Variants in GATA2 observed in about 807,000 individuals in gnomAD.
GATA2 encodes the protein GATA binding protein 2, also known as endothelial transcription factor GATA-2.
GATA2 carries 6 observed loss-of-function variants against 35.7 expected under a neutral mutation model. That is an observed-to-expected ratio of 0.17 (90% CI 0.09 to 0.33). The LOEUF is 0.33. Ranked by LOEUF, GATA2 falls within the 10% of genes least tolerant of loss-of-function variation. GATA2 has a pLI of 1.00. For synonymous variants in GATA2, 313 were observed against 274.9 expected (o/e 1.14, Z -1.37); for missense variants, 541 against 656.6 (o/e 0.82, Z 1.92).
intron 1 of GATA2, among the ~76,000 whole-genome samples, chr3:128,491,322 G>T (rs2068765532): frequency 6.6e-6 from 1 of 151,820 alleles, no homozygotes; most frequent in South Asian, 2.1e-4. Context: ...TTTCCTTATG[G>T]GCAGCTAATT....
chr3:128,482,413 G>A (rs554485096), intron 4 of GATA2, among the ~76,000 whole-genome samples: 35 of 152,320 alleles, frequency 2.3e-4, no homozygotes, highest in African/African-American at 7.9e-4. Flanking sequence ...TGAGGCCAGC[G>A]CAGGTTTACA....
At chr3:128,483,745 TA>T in intron 4 of GATA2, 114 bp downstream of exon 4, 1 of 1,389,950 alleles carries the variant, frequency 7.2e-7, no homozygotes, top group Non-Finnish European at 1.0e-6. Flanking sequence ...CTTTTCATGA[TA>T]AAAGAGGATT....
At chr3:128,485,688 G>A (rs1422118807) in intron 3 of GATA2, 39 bp downstream of exon 3, 3 of 1,605,170 alleles carry the variant, frequency 1.9e-6, no homozygotes, top group Non-Finnish European at 8.5e-7. Context: ...AAACGCAAAT[G>A]CTCCCCTCTT....
At chr3:128,485,681 C>T (rs2107671748) in intron 3 of GATA2, 46 bp downstream of exon 3, 3 of 1,599,624 alleles carry the variant, frequency 1.9e-6, no homozygotes, top group East Asian at 2.3e-5. Context: ...ACCACAAAAA[C>T]GCAAATGCTC....
chr3:128,480,010 T>C lies in GATA2; in HGVS notation c.*1009A>G, dbSNP rs2107666843. The C allele has an allele frequency of 4.3e-6, 1 of 232,964 alleles. No individual in the cohort carries two copies. The allele number at this position is 232,964 out of a possible 1,614,324, so 14.4% of individuals were successfully genotyped here. On this transcript the variant is annotated 3_prime_UTR_variant, in exon 6 of 6. Coordinates refer to ENST00000341105, the MANE Select transcript of GATA2 (RefSeq NM_032638.5). ...CATACTAGGGCTGTGGGATCCCAGC[T>C]CTTTTCCAAAAAGAATTGCAAAGCT...
intron 3 of GATA2, among the ~76,000 whole-genome samples, chr3:128,484,951 T>G (rs1014722768): frequency 6.6e-6 from 1 of 152,168 alleles, no homozygotes; most frequent in Admixed American, 6.5e-5. Context: ...ACCTTCCCCC[T>G]CTGTGGCTCA....
rs1455866783 is a variant in GATA2, at chr3:128,480,499, C to G, written c.*520G>C. 1 of 242,026 alleles carries G rather than the reference C, an allele frequency of 4.1e-6. No individual in the cohort carries two copies. The highest frequency in any genetic ancestry group is 2.2e-5 in the African/African-American group (1 of 45,546). The allele number at this position is 242,026 out of a possible 1,614,324, so 15.0% of individuals were successfully genotyped here. ...TGGCCACTCTGGCTTTGGCTCAGCC[C>G]AGCCTGGAGTTCGGCTATTTCAGAG... On this transcript the variant is annotated 3_prime_UTR_variant, in exon 6 of 6. Coordinates refer to ENST00000341105, the MANE Select transcript of GATA2 (RefSeq NM_032638.5).
In GATA2 at chr3:128,487,089, G is replaced by C. The variant is rs539130937; in HGVS notation, c.-45-13C>G. The C allele has an allele frequency of 1.9e-5, 26 of 1,397,616 alleles. No individual in the cohort carries two copies. In the African/African-American group the frequency reaches 3.5e-4, roughly 19 times the overall value. 86.6% of individuals were successfully genotyped at this position (1,397,616 alleles called of 1,614,324 possible). A position where few individuals can be genotyped will look rare whatever the true frequency, so the allele number is the denominator to read the frequency against. On this transcript the variant is annotated splice_polypyrimidine_tract_variant and intron_variant, in intron 1 of 5. Transcript: ENST00000341105. The stretch of plus-strand genomic sequence containing the variant: ...GACGGCAACGGCCCTGCGCGAGGAA[G>C]GGGGAGTGAGGCGTGCCGCCAGCGC...
intron 3 of GATA2, among the ~76,000 whole-genome samples, chr3:128,484,293 C>T (rs917815905): frequency 1.3e-5 from 2 of 152,154 alleles, no homozygotes; most frequent in Non-Finnish European, 2.9e-5. Context: ...CCCAGGCGTT[C>T]TGGAGCAACC....
chr3:128,481,486 G>A (rs1345621233), intron 5 of GATA2, among the ~76,000 whole-genome samples, 168 bp from the exon 6 acceptor site: 1 of 152,196 alleles, frequency 6.6e-6, no homozygotes, highest in African/African-American at 2.4e-5. Context: ...TTCCAGGAAG[G>A]GCGGGTTCTG....
At chr3:128,486,474 T>C in intron 2 of GATA2, 106 bp from the exon 3 acceptor site, 1 of 1,383,238 alleles carries the variant, frequency 7.2e-7, no homozygotes, top group South Asian at 1.3e-5. Flanking sequence ...GAACCAGCAG[T>C]CATCCCCTCC....
At chr3:128,491,202 C>T (rs2068762832) in intron 1 of GATA2, among the ~76,000 whole-genome samples, 2 of 81,548 alleles carry the variant, frequency 2.5e-5, no homozygotes, top group South Asian at 4.8e-4. Flanking sequence ...TCTCCCCGGC[C>T]GTCCAGCCCC....
In GATA2 at chr3:128,481,131, G is replaced by T. The variant is rs781161922; in HGVS notation, c.1331C>A (p.Pro444Gln). The change falls in exon 6 of 6, where the codon CCG (proline) becomes CAG (glutamine). Residue 444 changes from proline to glutamine, a missense_variant. By Grantham distance (76) the Pro-to-Gln change is moderately conservative. Around this residue, in one of 5 missense-constraint regions of GATA2, gnomAD observed 95 missense variants for 114.0 expected, o/e 0.83. Transcript: ENST00000341105. The stretch of plus-strand genomic sequence containing the variant: ...GATGTGTCCGGAGTGGCTGAAGGGC[G>T]GGAGGTGGCCCACAGGTGCCATGTG... ...AGHMAPVGHL[P>Q]PFSHSGHILP... 6.2e-7 allele frequency: 1 copy of T among 1,614,246 alleles called. No homozygotes were observed. Among genetic ancestry groups the T allele is most frequent in the Admixed American group, 1.7e-5 (1 of 60,036 alleles).
In GATA2 at chr3:128,483,301, C is replaced by T. The variant is rs79081724; in HGVS notation, c.1017+559G>A. Among the ~76,000 whole-genome samples, 2 of 152,170 alleles carry T rather than the reference C, an allele frequency of 1.3e-5. No individual in the cohort carries two copies. Among genetic ancestry groups the T allele is most frequent in the South Asian group, 2.1e-4 (1 of 4,830 alleles). Reference sequence around the variant, plus strand: ...CTCGCAGAGTCCGGAAACAGATACACGAAGTTTCCTTATCTTCAGGCTGCA... The same window carrying T: ...CTCGCAGAGTCCGGAAACAGATACATGAAGTTTCCTTATCTTCAGGCTGCA... On this transcript the variant is annotated intron_variant, in intron 4 of 5. Transcript: ENST00000341105.
At chr3:128,482,600 CA>C (rs1342474547) in intron 4 of GATA2, among the ~76,000 whole-genome samples, 1 of 152,238 alleles carries the variant, frequency 6.6e-6, no homozygotes, top group African/African-American at 2.4e-5. Context: ...AGTGCAGACA[CA>C]GAACTTTTCC....
intron 1 of GATA2, chr3:128,491,980 C>A (rs2068773490): frequency 6.6e-6 from 1 of 152,252 alleles, no homozygotes; most frequent in Non-Finnish European, 1.5e-5. Context: ...TCCCCAGACG[C>A]CTCGGCTGCC....
chr3:128,485,073 C>T (rs1356757556), intron 3 of GATA2, among the ~76,000 whole-genome samples: 1 of 152,186 alleles, frequency 6.6e-6, no homozygotes, highest in African/African-American at 2.4e-5. Context: ...CCCCAGCCAG[C>T]TGCGGGAAAA....
Position 128,486,895 on chromosome 3 carries a change from T to G in GATA2, c.137A>C (p.Asp46Ala). 6.2e-7 allele frequency: 1 copy of G among 1,612,694 alleles called. No individual in the cohort carries two copies. Among genetic ancestry groups the G allele is most frequent in the Non-Finnish European group, 8.5e-7 (1 of 1,179,586 alleles). The change falls in exon 2 of 6, where the codon GAC becomes GCC. Residue 46 changes from aspartate (D) to alanine (A), a missense_variant. Asp to Ala is a moderately radical substitution (Grantham distance 126). Around this residue, in one of 5 missense-constraint regions of GATA2, gnomAD observed 389 missense variants for 396.9 expected, o/e 0.98. Coordinates refer to ENST00000341105, the MANE Select transcript of GATA2 (RefSeq NM_032638.5). ...PAQLLPPDEV[D>A]VFFNHLDSQG... ...CGAGTCGAGGTGATTGAAGAAGACG[T>G]CCACCTCGTCTGGAGGCAGCAGCTG... is the stretch of plus-strand genomic sequence containing the variant.
At chr3:128,486,488 A>G (rs1315121844) in intron 2 of GATA2, 120 bp from the exon 3 acceptor site, 8 of 1,269,890 alleles carry the variant, frequency 6.3e-6, no homozygotes, top group East Asian at 2.5e-5. Context: ...CCCCTCCCCA[A>G]AGAAAGCCAG....
Sources: gnomAD v4.1 joint callset for allele counts (sites outside exome capture counted in the v4.1 genomes callset) on GRCh38, gnomAD v4.1.1 for gene constraint, gnomAD v4.1.1 regional missense constraint, MANE v1.5 for transcripts, NCBI Gene and HGNC (gene_info 2026-07-23, HGNC 2026-07-21) for gene names.